PCDHA4: variants seen among roughly 807,000 people sequenced by gnomAD.
The protein encoded by PCDHA4 is protocadherin alpha-4.
PCDHA4 carries 49 observed loss-of-function variants against 61.4 expected under a neutral mutation model. The ratio of observed to expected loss-of-function variants is 0.80; its 90% CI spans 0.63 to 1.01. The LOEUF (loss-of-function observed/expected upper bound fraction) is 1.01, where lower values mean the gene tolerates loss of function less well. Among genes scored for constraint, PCDHA4 ranks in the 50% least tolerant of loss-of-function variants. The pLI is 0.00. For missense variants in PCDHA4, 1,254 were observed against 1,235.8 expected (o/e 1.01, Z -0.22); for synonymous variants, 590 against 550.3 (o/e 1.07, Z -1.01).
At chr5:140,829,824 G>T in intron 1 of PCDHA4, 2 of 1,613,914 alleles carry the variant, frequency 1.2e-6, no homozygotes, top group Non-Finnish European at 1.7e-6. Flanking sequence ...GGTGCAGTGA[G>T]CGAGCTGGTG....
intron 1 of PCDHA4, among the ~76,000 whole-genome samples, chr5:140,838,077 A>ATAGTGT (rs1203070308): frequency 7.4e-5 from 6 of 80,664 alleles, no homozygotes; most frequent in Non-Finnish European, 1.5e-4. Flanking sequence ...ATATATATAT[A>ATAGTGT]GTGTGTGTGT....
At chr5:140,834,297 C>T (rs2150214922) in intron 1 of PCDHA4, 4 of 1,251,276 alleles carry the variant, frequency 3.2e-6, no homozygotes, top group African/African-American at 3.0e-5. Flanking sequence ...AATGGCCACA[C>T]ATCGAGATTG....
intron 1 of PCDHA4, chr5:140,928,844 C>G (rs782361945): frequency 6.2e-7 from 1 of 1,614,168 alleles, no homozygotes; most frequent in Admixed American, 1.7e-5. Context: ...TCCTCTGTCA[C>G]TCTGGGTGTG....
At chr5:140,839,890 G>A (rs1168165739) in intron 1 of PCDHA4, among the ~76,000 whole-genome samples, 3 of 151,956 alleles carry the variant, frequency 2.0e-5, no homozygotes, top group African/African-American at 7.3e-5. Flanking sequence ...AATTTTGACA[G>A]AAAAAGATGA....
At chr5:140,919,510 T>G (rs750733245) in intron 1 of PCDHA4, among the ~76,000 whole-genome samples, 2 of 152,208 alleles carry the variant, frequency 1.3e-5, no homozygotes, top group Non-Finnish European at 2.9e-5. Context: ...TTTTTCTATA[T>G]GTTTTAATTC....
chr5:140,836,909 C>T (rs1173581620), intron 1 of PCDHA4: 1 of 579,626 alleles, frequency 1.7e-6, no homozygotes, highest in Non-Finnish European at 2.9e-6. Context: ...TTAATATACA[C>T]TTTTGTTTTG....
chr5:140,868,184 G>A (rs1216562415), intron 1 of PCDHA4: 3 of 151,962 alleles, frequency 2.0e-5, no homozygotes, highest in African/African-American at 7.2e-5. Context: ...CTCATATTAT[G>A]CTACTATGGC....
At chr5:141,006,755 A>G (rs1554260896) in intron 3 of PCDHA4, among the ~76,000 whole-genome samples, 1 of 152,190 alleles carries the variant, frequency 6.6e-6, no homozygotes, top group East Asian at 1.9e-4. Flanking sequence ...TAAATGGAGA[A>G]TGAAGAATAG....
rs76650315 is a variant in PCDHA4, at chr5:140,808,364, G to C, written c.1177G>C (p.Val393Leu). The C allele has an allele frequency of 1.2e-6, 2 of 1,614,052 alleles. No homozygotes were observed. The highest frequency in any genetic ancestry group is 1.7e-6 in the Non-Finnish European group (2 of 1,180,056). ...GLVTCSLTSH[V>L]PFKLVSTFKN... The stretch of plus-strand genomic sequence containing the variant: ...GGTCACCTGCTCCTTGACGTCCCAC[G>C]TCCCCTTCAAGCTGGTGTCCACCTT... The change falls in exon 1 of 4, where the codon GTC becomes CTC. Residue 393 changes from valine to leucine, a missense_variant. By Grantham distance (32) the Val-to-Leu change is conservative (BLOSUM62 1). Transcript: ENST00000530339.
intron 1 of PCDHA4, among the ~76,000 whole-genome samples, chr5:140,978,185 G>C (rs1177844558): frequency 1.3e-5 from 2 of 152,168 alleles, no homozygotes; most frequent in East Asian, 3.8e-4. Context: ...GAGGGCAACA[G>C]ATCTTTTCAA....
chr5:140,814,848 C>G (rs1554126621), intron 1 of PCDHA4: 1 of 152,052 alleles, frequency 6.6e-6, no homozygotes, highest in African/African-American at 2.4e-5. Flanking sequence ...TGAATGTTTG[C>G]CTCATATATT....
chr5:140,928,687 C>G (rs782599747), intron 1 of PCDHA4: 1 of 1,614,142 alleles, frequency 6.2e-7, no homozygotes, highest in Non-Finnish European at 8.5e-7. Flanking sequence ...GCTTTCCTAC[C>G]ACATCTCCCG....
At chr5:140,887,254 G>A (rs924715341) in intron 1 of PCDHA4, among the ~76,000 whole-genome samples, 4 of 151,790 alleles carry the variant, frequency 2.6e-5, no homozygotes, top group Admixed American at 2.0e-4. Context: ...CCGCCACCAC[G>A]CCCTGCTAAT....
intron 1 of PCDHA4, chr5:140,871,680 A>G: frequency 9.0e-7 from 1 of 1,108,842 alleles, no homozygotes; most frequent in Admixed American, 3.1e-5. Flanking sequence ...AATCATATGA[A>G]TAATCTGGCT....
intron 1 of PCDHA4, chr5:140,831,298 C>G (rs2150193348): frequency 1.3e-5 from 2 of 152,070 alleles, no homozygotes; most frequent in Non-Finnish European, 2.9e-5. Context: ...GAGTCTAAAT[C>G]TATTTCTTTG....
chr5:140,829,779 C>T (rs782207845), intron 1 of PCDHA4: 10 of 1,613,790 alleles, frequency 6.2e-6, no homozygotes, highest in Non-Finnish European at 6.8e-6. Context: ...GACAACGCGC[C>T]GGCGCTGCTG....
chr5:140,887,523 A>G (rs2061479096), intron 1 of PCDHA4, among the ~76,000 whole-genome samples: 1 of 152,078 alleles, frequency 6.6e-6, no homozygotes, highest in Non-Finnish European at 1.5e-5. Flanking sequence ...TTTATATATG[A>G]GTCTTCCTCT....
chr5:140,823,895 C>G, intron 1 of PCDHA4: 1 of 1,613,974 alleles, frequency 6.2e-7, no homozygotes, highest in Non-Finnish European at 8.5e-7. Flanking sequence ...TGTGCGGTGT[C>G]CAGCCTGCTG....
chr5:140,967,831 C>T (rs2153762943), intron 1 of PCDHA4: 1 of 1,614,130 alleles, frequency 6.2e-7, no homozygotes, highest in Admixed American at 1.7e-5. Flanking sequence ...TGGTGGACAT[C>T]GTGGACGTGA....
Sources: allele counts gnomAD v4.1 joint callset (sites outside exome capture counted in the v4.1 genomes callset), GRCh38; gene constraint gnomAD v4.1.1; transcripts MANE v1.5; gene names NCBI Gene and HGNC (gene_info 2026-07-23, HGNC 2026-07-21).